Variants in UBE2W observed in about 807,000 individuals in gnomAD.
The protein encoded by UBE2W is ubiquitin-conjugating enzyme E2 W.
In UBE2W, 18 loss-of-function variants were observed where a neutral mutation model predicts 27.2. That is an observed-to-expected ratio of 0.66 (90% CI 0.46 to 0.98). UBE2W has a LOEUF of 0.98. Ranked by LOEUF, UBE2W falls within the 50% of genes least tolerant of loss-of-function variation. The pLI is 0.00. For synonymous variants in UBE2W, 53 were observed against 57.2 expected (o/e 0.93, Z 0.33); for missense variants, 90 against 180.2 (o/e 0.50, Z 2.87).
chr8:73,840,089 C>T (rs985753086), intron 1 of UBE2W, among the ~76,000 whole-genome samples: 4 of 151,662 alleles, frequency 2.6e-5, no homozygotes, highest in East Asian at 3.9e-4. Context: ...AGGAGTCTTG[C>T]TCTGTCGCCC....
chr8:73,857,437 A>C (rs933321223), intron 1 of UBE2W, among the ~76,000 whole-genome samples: 1 of 128,906 alleles, frequency 7.8e-6, no homozygotes, highest in Non-Finnish European at 1.7e-5. Context: ...AAATATAATA[A>C]TGTATTATAA....
chr8:73,804,016 T>C (rs1202715456), intron 5 of UBE2W, among the ~76,000 whole-genome samples: 2 of 152,066 alleles, frequency 1.3e-5, no homozygotes, highest in African/African-American at 2.4e-5. Context: ...TCCACCCACC[T>C]CAGCCTCCCA....
At chr8:73,844,179 C>G (rs912806779) in intron 1 of UBE2W, among the ~76,000 whole-genome samples, 5 of 44,334 alleles carry the variant, frequency 1.1e-4, no homozygotes, top group African/African-American at 5.7e-4. Context: ...CCCCTCTGCA[C>G]GGACTCCCTC....
rs1177714711 is a variant in UBE2W at position 73,790,178 on chromosome 8, C to T, written c.*3924G>A. On this transcript the variant is annotated 3_prime_UTR_variant, in exon 6 of 6. Transcript: ENST00000602593. ...AATCGTCCTTCTGTAGAATCCCTAA[C>T]CTCAGAAAAAAAAAAGAGAGAATAA... 5 of 983,778 alleles carry T rather than the reference C, an allele frequency of 5.1e-6. No individual in the cohort carries two copies. The highest frequency in any genetic ancestry group is 6.0e-6 in the Non-Finnish European group (5 of 829,580). The allele number at this position is 983,778 out of a possible 1,614,324, so 60.9% of individuals were successfully genotyped here. A position where few individuals can be genotyped will look rare whatever the true frequency, so the allele number is the denominator to read the frequency against.
rs1384768357 is a variant in UBE2W, at chr8:73,788,819, A to G, written c.*5283T>C. ...GAGTGTATGTGCCAAGGACTAGAAC[A>G]AGAATTGGATCTCTCCTTTTCCCAG... On this transcript the variant is annotated 3_prime_UTR_variant, in exon 6 of 6. Transcript: ENST00000602593. The G allele has an allele frequency of 1.4e-5, 14 of 985,264 alleles. No individual in the cohort carries two copies. The highest frequency in any genetic ancestry group is 1.4e-5 in the Non-Finnish European group (12 of 829,934). 61.0% of individuals were successfully genotyped at this position (985,264 alleles called of 1,614,324 possible).
At chr8:73,835,586 T>A (rs1327290633) in intron 1 of UBE2W, among the ~76,000 whole-genome samples, 1 of 151,984 alleles carries the variant, frequency 6.6e-6, no homozygotes, top group Non-Finnish European at 1.5e-5. Context: ...CTACTAAAAA[T>A]ACAAAAAATC....
Position 73,828,929 on chromosome 8 carries a change from T to G in UBE2W, c.107+1452A>C, listed in dbSNP as rs75789401. Among the ~76,000 whole-genome samples the G allele has an allele frequency of 5.1e-3, 772 of 152,288 alleles. 7 individuals carry two copies. The highest frequency in any genetic ancestry group is 0.018 in the African/African-American group (734 of 41,572). On this transcript the variant is annotated intron_variant, in intron 2 of 5. Coordinates refer to ENST00000602593, the MANE Select transcript of UBE2W (RefSeq NM_018299.6). ...CTTTCATCATCCTCGTTATGGATCT[T>G]CCACATCCATATCCACATTTCATAT...
chr8:73,835,165 A>G (rs993706840), intron 1 of UBE2W, among the ~76,000 whole-genome samples: 1 of 152,034 alleles, frequency 6.6e-6, no homozygotes, highest in Non-Finnish European at 1.5e-5. Flanking sequence ...AAGCAAACTA[A>G]ACTAAAAAAG....
rs370067047 is a variant in UBE2W at position 73,787,936 on chromosome 8, T to C, written c.*6166A>G. 1.7e-5 allele frequency: 17 copies of C among 985,336 alleles called. No homozygotes were observed. In the Middle Eastern group the frequency reaches 2.1e-3, roughly 121 times the overall value. The allele number at this position is 985,336 out of a possible 1,614,324, so 61.0% of individuals were successfully genotyped here. A position where few individuals can be genotyped will look rare whatever the true frequency, so the allele number is the denominator to read the frequency against. ...AGCTACATATTACATAAAGGTGATG[T>C]GTTAAATAGATGGTTTAAGTGACTA... On this transcript the variant is annotated 3_prime_UTR_variant, in exon 6 of 6. Coordinates refer to ENST00000602593, the MANE Select transcript of UBE2W (RefSeq NM_018299.6).
intron 1 of UBE2W, among the ~76,000 whole-genome samples, chr8:73,868,989 T>C (rs1169218065): frequency 2.6e-5 from 4 of 152,142 alleles, no homozygotes; most frequent in Admixed American, 6.5e-5. Context: ...ATTAATCCAT[T>C]GATGAATGAA....
chr8:73,806,878 T>C (rs1283569113), intron 4 of UBE2W, among the ~76,000 whole-genome samples: 1 of 152,184 alleles, frequency 6.6e-6, no homozygotes, highest in African/African-American at 2.4e-5. Flanking sequence ...AAATATATAT[T>C]GGCATTTCTA....
At chr8:73,865,804 T>A (rs991090713) in intron 1 of UBE2W, among the ~76,000 whole-genome samples, 6 of 152,208 alleles carry the variant, frequency 3.9e-5, no homozygotes, top group African/African-American at 1.4e-4. Context: ...TAAAATTTTT[T>A]AAATTTTATC....
In UBE2W at chr8:73,786,711, C is replaced by G. The variant is rs572308408; in HGVS notation, c.*7391G>C. 194 of 985,358 alleles carry G rather than the reference C, an allele frequency of 2.0e-4. 1 individual carries two copies. The African/African-American group carries it at 3.1e-3, about 16-fold the overall frequency. The allele number at this position is 985,358 out of a possible 1,614,324, so 61.0% of individuals were successfully genotyped here. On this transcript the variant is annotated 3_prime_UTR_variant, in exon 6 of 6. Coordinates refer to ENST00000602593, the MANE Select transcript of UBE2W (RefSeq NM_018299.6). ...CAGCTGAAGAGCAGCCTAGGGACAC[C>G]AAGGCCAGGTAGTGAAAGGCCCTAA...
Position 73,797,959 on chromosome 8 carries a change from C to A in UBE2W, c.443-3844G>T, listed in dbSNP as rs116054507. Among the ~76,000 whole-genome samples the A allele has an allele frequency of 1.4e-3, 212 of 152,258 alleles. 1 individual carries two copies. The highest frequency in any genetic ancestry group is 4.8e-3 in the African/African-American group (199 of 41,548). On this transcript the variant is annotated intron_variant, in intron 5 of 5. Coordinates refer to ENST00000602593, the MANE Select transcript of UBE2W (RefSeq NM_018299.6). ...CCAGACTTGACCTCATGATGTTAAA[C>A]AGTTAAAACTCTGTTTCATGCAAAA... is the stretch of plus-strand genomic sequence containing the variant.
intron 5 of UBE2W, among the ~76,000 whole-genome samples, chr8:73,801,755 T>C (rs553812393): frequency 2.6e-5 from 4 of 152,310 alleles, no homozygotes; most frequent in African/African-American, 7.2e-5. Flanking sequence ...GGCAAAAGAA[T>C]GTAAGAAAGA....
chr8:73,787,467 A>C lies in UBE2W; in HGVS notation c.*6635T>G. The C allele has an allele frequency of 1.0e-6, 1 of 985,350 alleles. No individual in the cohort carries two copies. The highest frequency in any genetic ancestry group is 1.2e-6 in the Non-Finnish European group (1 of 829,830). The allele number at this position is 985,350 out of a possible 1,614,324, so 61.0% of individuals were successfully genotyped here. ...CATCAAAGTACAAAAGATGGTTCAT[A>C]TATTTATCTAACCATCTACTAACAT... On this transcript the variant is annotated 3_prime_UTR_variant, in exon 6 of 6. Transcript: ENST00000602593.
intron 1 of UBE2W, chr8:73,831,029 A>C (rs1810043589): frequency 5.1e-6 from 1 of 195,078 alleles, no homozygotes; most frequent in Non-Finnish European, 1.0e-5. Context: ...GGAGGGTGGC[A>C]CATCTGGAAC....
At chr8:73,844,299 C>T (rs370165736) in intron 1 of UBE2W, among the ~76,000 whole-genome samples, 393 of 152,218 alleles carry the variant, frequency 2.6e-3, no homozygotes, top group African/African-American at 8.5e-3. Context: ...AGGCGCGCGC[C>T]GCCACACCTG....
At chr8:73,843,940 G>C (rs1810654235) in intron 1 of UBE2W, among the ~76,000 whole-genome samples, 1 of 152,080 alleles carries the variant, frequency 6.6e-6, no homozygotes, top group Non-Finnish European at 1.5e-5. Flanking sequence ...AGTGAGTCAA[G>C]ACTGCGCAAC....
Sources: allele counts gnomAD v4.1 joint callset (sites outside exome capture counted in the v4.1 genomes callset), GRCh38; gene constraint gnomAD v4.1.1; transcripts MANE v1.5; gene names NCBI Gene and HGNC (gene_info 2026-07-23, HGNC 2026-07-21).